Variants in AGPAT4 observed in about 807,000 individuals in gnomAD.
AGPAT4 encodes the protein 1-acylglycerol-3-phosphate O-acyltransferase 4.
In AGPAT4, 15 loss-of-function variants were observed where a neutral mutation model predicts 48.0. The observed-to-expected ratio is 0.31, with a 90% CI of 0.21 to 0.48. The LOEUF is 0.48. Ranked by LOEUF, AGPAT4 falls within the 20% of genes least tolerant of loss-of-function variation. AGPAT4 has a pLI of 0.99. For synonymous variants in AGPAT4, 178 were observed against 198.7 expected, an observed-to-expected ratio of 0.90 and a Z score of 0.88; for missense variants, 314 against 482.5, an observed-to-expected ratio of 0.65 and a Z score of 3.27.
chr6:161,259,890 C>G lies in AGPAT4; in HGVS notation c.-90+14048G>C, dbSNP rs1481196114. 6.6e-6 allele frequency among the ~76,000 whole-genome samples: 1 copy of G among 152,198 alleles called. No individual in the cohort carries two copies. The highest frequency in any genetic ancestry group is 1.5e-5 in the Non-Finnish European group (1 of 68,038). On this transcript the variant is annotated intron_variant, in intron 1 of 8. Coordinates refer to ENST00000320285, the MANE Select transcript of AGPAT4 (RefSeq NM_020133.3). This position sits in a 1 kb window ranked among gnomAD's most constrained non-coding sequence, Gnocchi z 4.9. ...GCACGCTGCACCCCCAGGGCCGAGT[C>G]GTAAGTTCACCATTGAGTCACATCC...
At chr6:161,188,032 G>A (rs559605612) in intron 2 of AGPAT4, among the ~76,000 whole-genome samples, 4 of 152,118 alleles carry the variant, frequency 2.6e-5, no homozygotes, top group South Asian at 4.1e-4. Flanking sequence ...ATTACCCACA[G>A]AGCAGAGAAA....
Position 161,219,872 on chromosome 6 carries a change from T to TAGATAGGCAGGCAGGCAGGC in AGPAT4, c.178+12163_178+12164insGCCTGCCTGCCTGCCTATCT, listed in dbSNP as rs1375144242. ...ATAGATAGATAGATAGATAGATAGATAGGCAGGCAGGCAGGCAGGCAGGCA... is the reference window on the plus strand; with the variant it reads ...ATAGATAGATAGATAGATAGATAGATAGATAGGCAGGCAGGCAGGCAGGCAGGCAGGCAGGCAGGCAGGCA... On this transcript the variant is annotated intron_variant, in intron 2 of 8. Coordinates refer to ENST00000320285, the MANE Select transcript of AGPAT4 (RefSeq NM_020133.3). This position sits in a 1 kb window ranked among gnomAD's most constrained non-coding sequence, Gnocchi z 4.9. 8.3e-6 allele frequency among the ~76,000 whole-genome samples: 1 copy of TAGATAGGCAGGCAGGCAGGC among 121,166 alleles called. No homozygotes were observed. The highest frequency in any genetic ancestry group is 1.9e-5 in the Non-Finnish European group (1 of 53,806). The allele number at this position is 121,166 out of a possible 152,430, so 79.5% of individuals were successfully genotyped here.
rs752708060 is a variant in AGPAT4 at position 161,158,661 on chromosome 6, G to A, written c.349-4351C>T. Among the ~76,000 whole-genome samples the A allele has an allele frequency of 6.6e-6, 1 of 152,306 alleles. No individual in the cohort carries two copies. Among genetic ancestry groups the A allele is most frequent in the Middle Eastern group, 3.4e-3 (1 of 294 alleles). Reference sequence around the variant, plus strand: ...ACCCTGGACGTTGGGAAGAGCTGACGCAGAGAGGGCCTGAGACCCAGTACT... The same window carrying A: ...ACCCTGGACGTTGGGAAGAGCTGACACAGAGAGGGCCTGAGACCCAGTACT... On this transcript the variant is annotated intron_variant, in intron 3 of 8. Coordinates refer to ENST00000320285, the MANE Select transcript of AGPAT4 (RefSeq NM_020133.3). This position sits in a 1 kb window ranked among gnomAD's most constrained non-coding sequence, Gnocchi z 5.3.
rs923243399 is a variant in AGPAT4, at chr6:161,231,779, A to G, written c.178+257T>C. Reference sequence around the variant, plus strand: ...ACTGATTGGTTCTGAGGAGAACTAAAGAAACTAATGGAATGCGTATTTACT... The same window carrying G: ...ACTGATTGGTTCTGAGGAGAACTAAGGAAACTAATGGAATGCGTATTTACT... On this transcript the variant is annotated intron_variant, in intron 2 of 8. Coordinates refer to ENST00000320285, the MANE Select transcript of AGPAT4 (RefSeq NM_020133.3). This position sits in a 1 kb window ranked among gnomAD's most constrained non-coding sequence, Gnocchi z 5.3. Among the ~76,000 whole-genome samples, 2 of 152,330 alleles carry G rather than the reference A, an allele frequency of 1.3e-5. No individual in the cohort carries two copies. The highest frequency in any genetic ancestry group is 6.5e-5 in the Admixed American group (1 of 15,300).
intron 1 of AGPAT4, among the ~76,000 whole-genome samples, chr6:161,241,338 A>G (rs1287913035): frequency 6.6e-6 from 1 of 152,134 alleles, no homozygotes; most frequent in Non-Finnish European, 1.5e-5. Flanking sequence ...CATGTATTTT[A>G]AAATTTCATA....
chr6:161,243,926 T>C lies in AGPAT4; in HGVS notation c.-89-11624A>G, dbSNP rs1158441968. On this transcript the variant is annotated intron_variant, in intron 1 of 8. Transcript: ENST00000320285. The surrounding 1 kb of genome is among the most constrained non-coding windows in gnomAD (Gnocchi z 4.8). ...CTCACAAGTTTTAATGAAATGATTA[T>C]GTCCTTATTCCCAGCCCAGAGGAAG... is the stretch of plus-strand genomic sequence containing the variant. Among the ~76,000 whole-genome samples the C allele has an allele frequency of 6.6e-6, 1 of 152,246 alleles. No homozygotes were observed. Among genetic ancestry groups the C allele is most frequent in the Non-Finnish European group, 1.5e-5 (1 of 68,040 alleles).
rs1465779733 is a variant in AGPAT4, at chr6:161,272,622, T to C, written c.-90+1316A>G. On this transcript the variant is annotated intron_variant, in intron 1 of 8. Coordinates refer to ENST00000320285, the MANE Select transcript of AGPAT4 (RefSeq NM_020133.3). The surrounding 1 kb of genome is among the most constrained non-coding windows in gnomAD (Gnocchi z 4.2). ...TTCTGAATAACAGTTTTTCTCCCCA[T>C]AGAGAATATTCAGAAGATGGAATCC... 6.6e-6 allele frequency among the ~76,000 whole-genome samples: 1 copy of C among 152,026 alleles called. No individual in the cohort carries two copies. Among genetic ancestry groups the C allele is most frequent in the African/African-American group, 2.4e-5 (1 of 41,348 alleles).
intron 1 of AGPAT4, among the ~76,000 whole-genome samples, chr6:161,237,363 A>G (rs1782315164): frequency 2.0e-5 from 3 of 152,232 alleles, no homozygotes; most frequent in Admixed American, 2.0e-4. Flanking sequence ...TGGCTATTTG[A>G]GAAAGTAGGT....
intron 2 of AGPAT4, among the ~76,000 whole-genome samples, chr6:161,230,193 CA>C (rs1000259631): frequency 1.5e-4 from 22 of 150,652 alleles, no homozygotes; most frequent in African/African-American, 4.4e-4. Context: ...TACCATCAAT[CA>C]AAAAAAAATA....
rs939088390 is a variant in AGPAT4 at position 161,133,504 on chromosome 6, C to T, written c.*3036G>A. 2 of 152,130 alleles carry T rather than the reference C, an allele frequency of 1.3e-5. No homozygotes were observed. The highest frequency in any genetic ancestry group is 4.8e-5 in the African/African-American group (2 of 41,416). The allele number at this position is 152,130 out of a possible 1,614,324, so 9.4% of individuals were successfully genotyped here. On this transcript the variant is annotated 3_prime_UTR_variant, in exon 9 of 9. Coordinates refer to ENST00000320285, the MANE Select transcript of AGPAT4 (RefSeq NM_020133.3). ...TCACAGAGTGCCTTACTTCTTCCTC[C>T]CGATTAATCGTGTTCACTATATGGT...
At position 161,136,323 on chromosome 6, in the gene AGPAT4, A is replaced by G. The variant is rs1416282893; in HGVS notation, c.*217T>C. On this transcript the variant is annotated 3_prime_UTR_variant, in exon 9 of 9. Coordinates refer to ENST00000320285, the MANE Select transcript of AGPAT4 (RefSeq NM_020133.3). ...TTCTCACACACACTCGCACAAAAAG[A>G]AAACCAAAGCCCACTAAAGCACATG... The G allele has an allele frequency of 2.1e-5, 12 of 562,234 alleles. No individual in the cohort carries two copies. The highest frequency in any genetic ancestry group is 2.1e-4 in the African/African-American group (11 of 52,954). 34.8% of individuals were successfully genotyped at this position (562,234 alleles called of 1,614,324 possible).
Position 161,143,050 on chromosome 6 carries a change from G to T in AGPAT4, c.844-3430C>A, listed in dbSNP as rs770188665. On this transcript the variant is annotated intron_variant, in intron 7 of 8. Coordinates refer to ENST00000320285, the MANE Select transcript of AGPAT4 (RefSeq NM_020133.3). The surrounding 1 kb of genome is among the most constrained non-coding windows in gnomAD (Gnocchi z 4.7). ...CTGCTCCCGACCTTGGCCTCCACAG[G>T]ACGGCTCTGAATGTAGCTGTCCTTC... Among the ~76,000 whole-genome samples the T allele has an allele frequency of 6.6e-6, 1 of 152,066 alleles. No individual in the cohort carries two copies. Among genetic ancestry groups the T allele is most frequent in the Non-Finnish European group, 1.5e-5 (1 of 68,032 alleles).
intron 2 of AGPAT4, among the ~76,000 whole-genome samples, chr6:161,188,782 T>C (rs1206379802): frequency 6.6e-6 from 1 of 152,162 alleles, no homozygotes; most frequent in Non-Finnish European, 1.5e-5. Flanking sequence ...AGGGCACCTC[T>C]GGGTTGAGCA....
rs1291440462 is a variant in AGPAT4 at position 161,219,867 on chromosome 6, A to G, written c.178+12169T>C. 4.4e-4 allele frequency among the ~76,000 whole-genome samples: 49 copies of G among 111,266 alleles called. No homozygotes were observed. The highest frequency in any genetic ancestry group is 1.1e-3 in the African/African-American group (29 of 27,150). 73.0% of individuals were successfully genotyped at this position (111,266 alleles called of 152,430 possible). Reference sequence around the variant, plus strand: ...GATAGATAGATAGATAGATAGATAGATAGATAGGCAGGCAGGCAGGCAGGC... The same window carrying G: ...GATAGATAGATAGATAGATAGATAGGTAGATAGGCAGGCAGGCAGGCAGGC... On this transcript the variant is annotated intron_variant, in intron 2 of 8. Transcript: ENST00000320285. The surrounding 1 kb of genome is among the most constrained non-coding windows in gnomAD (Gnocchi z 4.9).
In AGPAT4 at chr6:161,146,485, C is replaced by A. The variant is rs759477077; in HGVS notation, c.843+39G>T. On this transcript the variant is annotated intron_variant, in intron 7 of 8. Transcript: ENST00000320285. This position sits in a 1 kb window ranked among gnomAD's most constrained non-coding sequence, Gnocchi z 7.1. ...ACACAGCCACACGGCGCACCCACAG[C>A]TGCAACGTGAAGGGACCCCTGGCAC... The A allele has an allele frequency of 1.2e-6, 2 of 1,602,426 alleles. No individual in the cohort carries two copies. Among genetic ancestry groups the A allele is most frequent in the Admixed American group, 3.3e-5 (2 of 59,946 alleles).
chr6:161,242,938 C>T lies in AGPAT4; in HGVS notation c.-89-10636G>A, dbSNP rs1782535310. Reference sequence around the variant, plus strand: ...CAAAAATTAGCCGGGCGTGGTGGCACGTGCCTCCCAGCTACTCGGGAGACT... The same window carrying T: ...CAAAAATTAGCCGGGCGTGGTGGCATGTGCCTCCCAGCTACTCGGGAGACT... On this transcript the variant is annotated intron_variant, in intron 1 of 8. Coordinates refer to ENST00000320285, the MANE Select transcript of AGPAT4 (RefSeq NM_020133.3). The surrounding 1 kb of genome is among the most constrained non-coding windows in gnomAD (Gnocchi z 5.0). 6.6e-6 allele frequency among the ~76,000 whole-genome samples: 1 copy of T among 151,972 alleles called. No individual in the cohort carries two copies. The highest frequency in any genetic ancestry group is 2.4e-5 in the African/African-American group (1 of 41,348).
chr6:161,167,235 C>A (rs925272569), intron 2 of AGPAT4, among the ~76,000 whole-genome samples: 3 of 152,038 alleles, frequency 2.0e-5, no homozygotes, highest in Non-Finnish European at 4.4e-5. Flanking sequence ...GCCTCCTCCC[C>A]CTTTCTTTTG....
intron 2 of AGPAT4, among the ~76,000 whole-genome samples, chr6:161,193,775 G>C (rs970960610): frequency 6.6e-6 from 1 of 152,198 alleles, no homozygotes; most frequent in African/African-American, 2.4e-5. Flanking sequence ...ACGCTGTGGT[G>C]CCCTGACTAT....
rs55754459 is a variant in AGPAT4, at chr6:161,130,144, A to G, written c.*6396T>C. 2,708 of 152,340 alleles carry G rather than the reference A, an allele frequency of 0.018. 30 individuals carry two copies. The highest frequency in any genetic ancestry group is 0.027 in the Non-Finnish European group (1,813 of 68,042). 9.4% of individuals were successfully genotyped at this position (152,340 alleles called of 1,614,324 possible). On this transcript the variant is annotated 3_prime_UTR_variant, in exon 9 of 9. Transcript: ENST00000320285. ...ACCCTAGGGTGACATGACAGCCCATATATCAGTTCTCTGTTTCACATTAAA... is the reference window on the plus strand; with the variant it reads ...ACCCTAGGGTGACATGACAGCCCATGTATCAGTTCTCTGTTTCACATTAAA...
Sources: allele counts gnomAD v4.1 joint callset (sites outside exome capture counted in the v4.1 genomes callset), GRCh38; gene constraint gnomAD v4.1.1; non-coding constraint Gnocchi (gnomAD v3.1); transcripts MANE v1.5; gene names NCBI Gene and HGNC (gene_info 2026-07-23, HGNC 2026-07-21).